PDZRN4: variants seen among roughly 807,000 people sequenced by gnomAD.
The protein encoded by PDZRN4 is PDZ domain-containing RING finger protein 4.
A neutral mutation model predicts 99.0 loss-of-function variants in PDZRN4; 70 were observed. The ratio of observed to expected loss-of-function variants is 0.71; its 90% CI spans 0.58 to 0.86. PDZRN4 has a LOEUF of 0.86. Ranked by LOEUF, PDZRN4 falls within the 40% of genes least tolerant of loss-of-function variation. The pLI, the probability that PDZRN4 is intolerant of heterozygous loss-of-function variation, is 0.00. For missense variants in PDZRN4, 1,474 were observed against 1,331.2 expected (o/e 1.11, Z -1.67); for synonymous variants, 551 against 501.6 (o/e 1.10, Z -1.32).
rs183063858 is a variant in PDZRN4, at chr12:41,482,087, C to T, written c.844-24369C>T. 2.0e-5 allele frequency among the ~76,000 whole-genome samples: 3 copies of T among 152,236 alleles called. No homozygotes were observed. In the East Asian group the frequency reaches 5.8e-4, roughly 29 times the overall value. ...ACATTCCACAAATAACTGTTCCTAG[C>T]TTGGATCAGTGAATCACTGATGTCT... is the stretch of plus-strand genomic sequence containing the variant. On this transcript the variant is annotated intron_variant, in intron 3 of 9. Transcript: ENST00000402685.
At chr12:41,309,434 G>A (rs568059686) in intron 3 of PDZRN4, among the ~76,000 whole-genome samples, 236 of 152,158 alleles carry the variant, frequency 1.6e-3, no homozygotes, top group Admixed American at 4.8e-3. Context: ...CCTTTTATAA[G>A]AAACCCTTAT....
At chr12:41,513,577 G>T (rs1012325324) in intron 5 of PDZRN4, among the ~76,000 whole-genome samples, 1 of 151,996 alleles carries the variant, frequency 6.6e-6, no homozygotes, top group African/African-American at 2.4e-5. Flanking sequence ...GGTGTTCCAT[G>T]CCACTGGAAT....
intron 3 of PDZRN4, among the ~76,000 whole-genome samples, chr12:41,300,417 A>G (rs116651581): frequency 0.011 from 1,606 of 152,104 alleles, 32 homozygotes; most frequent in African/African-American, 0.036. Flanking sequence ...ACAGAACTAA[A>G]ATAACTCTTA....
intron 3 of PDZRN4, among the ~76,000 whole-genome samples, chr12:41,428,468 A>G (rs1952556740): frequency 6.6e-6 from 1 of 152,204 alleles, no homozygotes; most frequent in African/African-American, 2.4e-5. Flanking sequence ...TGAGAGAGGA[A>G]TGAACATGTA....
At chr12:41,406,665 G>A (rs754325188) in intron 3 of PDZRN4, among the ~76,000 whole-genome samples, 10 of 151,792 alleles carry the variant, frequency 6.6e-5, no homozygotes, top group Non-Finnish European at 1.2e-4. Flanking sequence ...AGGCCGAGGC[G>A]GGCAGATCAC....
chr12:41,362,133 T>A (rs1951967617), intron 3 of PDZRN4, among the ~76,000 whole-genome samples: 1 of 151,702 alleles, frequency 6.6e-6, no homozygotes, highest in South Asian at 2.1e-4. Context: ...AACAGAAGAG[T>A]CCTTGAAATT....
intron 3 of PDZRN4, among the ~76,000 whole-genome samples, chr12:41,204,208 A>G (rs1950833972): frequency 6.6e-6 from 1 of 151,922 alleles, no homozygotes; most frequent in African/African-American, 2.4e-5. Flanking sequence ...AGAATGTGTC[A>G]TGGTGTTTAG....
In PDZRN4 at chr12:41,340,176, A is replaced by T. The variant is rs148589628; in HGVS notation, c.843+145988A>T. ...AATAGCCAAGATTTGGAAGCAACCT[A>T]AGTGTCCATCAACAGATGAATGGAT... is the stretch of plus-strand genomic sequence containing the variant. On this transcript the variant is annotated intron_variant, in intron 3 of 9. Coordinates refer to ENST00000402685, the MANE Select transcript of PDZRN4 (RefSeq NM_001164595.2). Among the ~76,000 whole-genome samples the T allele has an allele frequency of 1.5e-3, 225 of 152,206 alleles. 1 individual carries two copies. The highest frequency in any genetic ancestry group is 0.011 in the South Asian group (54 of 4,824).
intron 5 of PDZRN4, among the ~76,000 whole-genome samples, chr12:41,535,599 A>G (rs757841286): frequency 6.6e-6 from 1 of 152,188 alleles, no homozygotes; most frequent in Non-Finnish European, 1.5e-5. Context: ...TTAATCTCCC[A>G]TACTGCAGTA....
intron 3 of PDZRN4, among the ~76,000 whole-genome samples, chr12:41,482,759 A>C (rs538365987): frequency 5.1e-4 from 78 of 152,134 alleles, no homozygotes; most frequent in African/African-American, 1.9e-3. Flanking sequence ...TACATTATAG[A>C]AGAAGAAAAC....
At chr12:41,474,879 A>G (rs13377937) in intron 3 of PDZRN4, among the ~76,000 whole-genome samples, 1,533 of 152,320 alleles carry the variant, frequency 0.01, 25 homozygotes, top group African/African-American at 0.035. Context: ...TGCACAATTG[A>G]TTCTGACTAG....
chr12:41,415,703 G>A (rs1471251137), intron 3 of PDZRN4, among the ~76,000 whole-genome samples: 1 of 152,138 alleles, frequency 6.6e-6, no homozygotes, highest in Non-Finnish European at 1.5e-5. Flanking sequence ...TTGGAAATGA[G>A]AAATTGTGTC....
intron 3 of PDZRN4, among the ~76,000 whole-genome samples, chr12:41,384,392 A>T (rs1039374661): frequency 5.9e-5 from 9 of 152,120 alleles, no homozygotes; most frequent in African/African-American, 2.2e-4. Flanking sequence ...ACAACACTAG[A>T]TTTAACACAG....
At chr12:41,334,985 T>C (rs1750959389) in intron 3 of PDZRN4, among the ~76,000 whole-genome samples, 1 of 152,146 alleles carries the variant, frequency 6.6e-6, no homozygotes. Flanking sequence ...GCTTTGGAAT[T>C]CTTATCCTAA....
Position 41,238,462 on chromosome 12 carries a change from G to T in PDZRN4, c.843+44274G>T, listed in dbSNP as rs567112957. Among the ~76,000 whole-genome samples, 6 of 152,228 alleles carry T rather than the reference G, an allele frequency of 3.9e-5. No individual in the cohort carries two copies. The East Asian group carries it at 1.2e-3, about 29-fold the overall frequency. On this transcript the variant is annotated intron_variant, in intron 3 of 9. Transcript: ENST00000402685. ...ACCTACAGAATGGGAGAAAATTTTTGCAACCTGTCCATCTGACAAAGGTCT... is the reference window on the plus strand; with the variant it reads ...ACCTACAGAATGGGAGAAAATTTTTTCAACCTGTCCATCTGACAAAGGTCT...
chr12:41,499,943 T>C (rs1938081654), intron 3 of PDZRN4, among the ~76,000 whole-genome samples: 1 of 152,024 alleles, frequency 6.6e-6, no homozygotes, highest in Non-Finnish European at 1.5e-5. Context: ...TTCCAAGGCA[T>C]TCAATTATCT....
chr12:41,474,169 C>T (rs1953019176), intron 3 of PDZRN4, among the ~76,000 whole-genome samples: 1 of 152,150 alleles, frequency 6.6e-6, no homozygotes. Context: ...AGGCTGAGGT[C>T]TTTGCATCAC....
At chr12:41,530,081 C>T in intron 5 of PDZRN4, among the ~76,000 whole-genome samples, 1 of 152,080 alleles carries the variant, frequency 6.6e-6, no homozygotes, top group East Asian at 1.9e-4. Flanking sequence ...ACTTTTAGAA[C>T]AACGGCATAA....
intron 3 of PDZRN4, among the ~76,000 whole-genome samples, chr12:41,418,457 C>T (rs570938513): frequency 1.3e-5 from 2 of 152,228 alleles, no homozygotes; most frequent in East Asian, 3.9e-4. Flanking sequence ...AGATACCAAC[C>T]TTAAAAATGG....
Sources: allele counts gnomAD v4.1 joint callset (sites outside exome capture counted in the v4.1 genomes callset), GRCh38; gene constraint gnomAD v4.1.1; transcripts MANE v1.5; gene names NCBI Gene and HGNC (gene_info 2026-07-23, HGNC 2026-07-21).